PSMG4: variants seen among roughly 807,000 people sequenced by gnomAD.
The protein encoded by PSMG4 is proteasome (prosome, macropain) assembly chaperone 4.
A neutral mutation model predicts 11.0 loss-of-function variants in PSMG4; 10 were observed. The ratio of observed to expected loss-of-function variants is 0.91; its 90% CI spans 0.56 to 1.54. PSMG4 has a LOEUF of 1.54. Ranked by LOEUF, PSMG4 falls within the 40% of genes most tolerant of loss-of-function variation. PSMG4 has a pLI of 0.00. For synonymous variants in PSMG4, 95 were observed against 71.3 expected (o/e 1.33, Z -1.68); for missense variants, 198 against 160.9 (o/e 1.23, Z -1.25).
intron 1 of PSMG4, among the ~76,000 whole-genome samples, chr6:3,260,033 G>A (rs1757918345): frequency 6.6e-6 from 1 of 151,984 alleles, no homozygotes; most frequent in African/African-American, 2.4e-5. Flanking sequence ...TCAAACTCCT[G>A]GGCTTAAGTG....
intron 1 of PSMG4, among the ~76,000 whole-genome samples, chr6:3,259,609 C>G (rs572692787): frequency 2.0e-5 from 3 of 152,082 alleles, no homozygotes; most frequent in East Asian, 1.9e-4. Context: ...ACATCAGGCT[C>G]TCTTCTCCAA....
At chr6:3,254,836 T>C (rs368946258), upstream of PSMG4, among the ~76,000 whole-genome samples, 10 of 152,296 alleles carry the variant, frequency 6.6e-5, no homozygotes, top group East Asian at 7.7e-4. Context: ...AGTGGGACCT[T>C]AGAAAACACT....
chr6:3,257,050 AGAGT>A (rs1363765701), upstream of PSMG4, among the ~76,000 whole-genome samples: 1 of 152,216 alleles, frequency 6.6e-6, no homozygotes, highest in East Asian at 1.9e-4. Flanking sequence ...TCACTGTCAC[AGAGT>A]GAGCAGAAGG....
chr6:3,267,301 A>T, intron 2 of PSMG4: 1 of 265,446 alleles, frequency 3.8e-6, no homozygotes, highest in South Asian at 5.9e-5. Flanking sequence ...TTTCTGGGTC[A>T]GGAGGGCTGG....
upstream of PSMG4, among the ~76,000 whole-genome samples, chr6:3,255,405 T>C (rs1428685747): frequency 2.0e-5 from 3 of 152,104 alleles, no homozygotes; most frequent in Non-Finnish European, 2.9e-5. Context: ...TGACAAGGAT[T>C]TTCACACTTC....
At chr6:3,261,869 G>T (rs1758003776) in intron 1 of PSMG4, among the ~76,000 whole-genome samples, 1 of 152,292 alleles carries the variant, frequency 6.6e-6, no homozygotes, top group Middle Eastern at 3.4e-3. Context: ...TTGTAATAGA[G>T]ACTTTGTAAT....
At chr6:3,254,960 A>C (rs150661231), upstream of PSMG4, 1,001 of 1,390,418 alleles carry the variant, frequency 7.2e-4, 2 homozygotes, top group African/African-American at 0.013. Flanking sequence ...TGGGTGTTGC[A>C]GAGCATGTGA....
chr6:3,264,493 A>G, intron 2 of PSMG4: 4 of 1,303,976 alleles, frequency 3.1e-6, no homozygotes, highest in Non-Finnish European at 4.1e-6. Flanking sequence ...ACAAGCAGGA[A>G]CCTCTGTGTC....
At chr6:3,263,652 A>G (rs1158592305) in intron 1 of PSMG4, 32 bp from the exon 2 acceptor site, 8 of 1,497,908 alleles carry the variant, frequency 5.3e-6, no homozygotes, top group Non-Finnish European at 7.1e-6. Flanking sequence ...GGGGGTGGAG[A>G]AGCTGCAGTG....
chr6:3,258,825 G>C (rs888578152), upstream of PSMG4: 3 of 427,380 alleles, frequency 7.0e-6, no homozygotes, highest in South Asian at 1.3e-4. Context: ...GCCCAGGGCC[G>C]GCAGCCGCCC....
chr6:3,265,481 G>C (rs1758147693), intron 2 of PSMG4: 1 of 152,284 alleles, frequency 6.6e-6, no homozygotes, highest in Non-Finnish European at 1.5e-5. Flanking sequence ...AGTGCCTCCA[G>C]ACACAGCGTT....
At chr6:3,266,618 G>C (rs2127265265) in intron 2 of PSMG4, 1 of 152,226 alleles carries the variant, frequency 6.6e-6, no homozygotes, top group East Asian at 1.9e-4. Context: ...GACTCTGCTT[G>C]ATTTTTGCAG....
upstream of PSMG4, among the ~76,000 whole-genome samples, chr6:3,254,430 T>A (rs1000600851): frequency 7.0e-6 from 1 of 143,360 alleles, no homozygotes; most frequent in Admixed American, 7.3e-5. Context: ...AGGTATGGCT[T>A]TGTGCTGTAA....
chr6:3,258,204 A>G (rs549965650), upstream of PSMG4, among the ~76,000 whole-genome samples: 2 of 152,240 alleles, frequency 1.3e-5, no homozygotes, highest in East Asian at 1.9e-4. Context: ...GGTGCTTCCC[A>G]TTAATCTCTC....
upstream of PSMG4, among the ~76,000 whole-genome samples, chr6:3,256,890 GT>G (rs542698274): frequency 2.0e-5 from 3 of 152,012 alleles, no homozygotes; most frequent in Admixed American, 2.0e-4. Context: ...GTTGGGACAA[GT>G]TTTTTTTGAA....
At chr6:3,262,306 T>A (rs537804013) in intron 1 of PSMG4, among the ~76,000 whole-genome samples, 38 of 152,298 alleles carry the variant, frequency 2.5e-4, no homozygotes, top group African/African-American at 7.9e-4. Context: ...GGCTTTACAT[T>A]TAACTTTTGG....
intron 2 of PSMG4, chr6:3,266,468 G>GGGGT (rs1758185390): frequency 6.6e-6 from 1 of 152,246 alleles, no homozygotes. Flanking sequence ...TGCCTCTCCA[G>GGGGT]GGGTGAGTAG....
In PSMG4 at chr6:3,267,877, C is replaced by G. The variant is rs1758257481; in HGVS notation, c.*165C>G. 2 of 645,236 alleles carry G rather than the reference C, an allele frequency of 3.1e-6. No homozygotes were observed. The highest frequency in any genetic ancestry group is 4.0e-5 in the South Asian group (2 of 49,754). The allele number at this position is 645,236 out of a possible 1,614,324, so 40.0% of individuals were successfully genotyped here. A position where few individuals can be genotyped will look rare whatever the true frequency, so the allele number is the denominator to read the frequency against. ...TGTGGGCCAAAAGGCTCATACTGAC[C>G]CACCTGGTGAAGGAGAGGCAAAGTG... is the stretch of plus-strand genomic sequence containing the variant. On this transcript the variant is annotated 3_prime_UTR_variant, in exon 3 of 3. Transcript: ENST00000438998.
chr6:3,257,148 C>T (rs1757793509), upstream of PSMG4, among the ~76,000 whole-genome samples: 1 of 152,178 alleles, frequency 6.6e-6, no homozygotes, highest in South Asian at 2.1e-4. Flanking sequence ...CTATTTTCTG[C>T]ATAACATCAG....
Sources: allele counts gnomAD v4.1 joint callset (sites outside exome capture counted in the v4.1 genomes callset), GRCh38; gene constraint gnomAD v4.1.1; transcripts MANE v1.5; gene names NCBI Gene and HGNC (gene_info 2026-07-23, HGNC 2026-07-21).